IGSF11: variants seen among roughly 807,000 people sequenced by gnomAD.
The protein encoded by IGSF11 is CXADR like 1.
A neutral mutation model predicts 41.0 loss-of-function variants in IGSF11; 22 were observed. That is an observed-to-expected ratio of 0.54 (90% CI 0.38 to 0.77). IGSF11 has a LOEUF of 0.77. Among genes scored for constraint, IGSF11 ranks in the 30% least tolerant of loss-of-function variants. The pLI is 0.00. For synonymous variants in IGSF11, 219 were observed against 201.3 expected (o/e 1.09, Z -0.74); for missense variants, 444 against 530.8 (o/e 0.84, Z 1.61).
At chr3:119,056,246 A>G (rs555974485) in intron 1 of IGSF11, among the ~76,000 whole-genome samples, 8 of 152,304 alleles carry the variant, frequency 5.3e-5, no homozygotes, top group Admixed American at 3.3e-4. Flanking sequence ...CAGAAGAAAG[A>G]GAGAAGAATC....
At position 118,928,672 on chromosome 3, in the gene IGSF11, C is replaced by T; in HGVS notation, c.261G>A (p.Arg87=). The T allele has an allele frequency of 6.2e-7, 1 of 1,614,054 alleles. No individual in the cohort carries two copies. The highest frequency in any genetic ancestry group is 8.5e-7 in the Non-Finnish European group (1 of 1,179,986). The change falls in exon 3 of 7, where the codon CGG becomes CGA. Residue 87 remains arginine, a synonymous_variant. Coordinates refer to ENST00000393775, the MANE Select transcript of IGSF11 (RefSeq NM_001015887.3). ...CTGTAAATCCTACCCTACCGTGGAA[C>T]CGGGGGGCACCATCAAACATCTGTC... The part of the protein sequence containing the change: ...QGGQMFDGAP[R]FHGRVGFTGT...
intron 1 of IGSF11, among the ~76,000 whole-genome samples, chr3:119,092,849 A>G (rs943354655): frequency 6.6e-6 from 1 of 152,138 alleles, no homozygotes; most frequent in Non-Finnish European, 1.5e-5. Context: ...CCATTCTGAT[A>G]CAATTGCCTA....
intron 1 of IGSF11, among the ~76,000 whole-genome samples, chr3:118,943,343 T>C (rs1057479172): frequency 6.6e-6 from 1 of 152,178 alleles, no homozygotes; most frequent in African/African-American, 2.4e-5. Flanking sequence ...AAATGATGAG[T>C]AAAGTTTAAA....
At chr3:118,948,331 T>C (rs929977482) in intron 1 of IGSF11, 7 of 152,218 alleles carry the variant, frequency 4.6e-5, no homozygotes, top group African/African-American at 1.7e-4. Flanking sequence ...GCAGGAAATC[T>C]GCTGGGGCAC....
chr3:119,050,923 A>T (rs1441356158), intron 1 of IGSF11, among the ~76,000 whole-genome samples: 1 of 148,706 alleles, frequency 6.7e-6, no homozygotes, highest in African/African-American at 2.5e-5. Context: ...GCATATTCTC[A>T]CTCATAGGTG....
intron 1 of IGSF11, among the ~76,000 whole-genome samples, chr3:119,130,500 G>C (rs188585324): frequency 6.6e-6 from 1 of 152,222 alleles, no homozygotes; most frequent in South Asian, 2.1e-4. Context: ...CAGCCTGGCG[G>C]GGGGAGGGGC....
intron 1 of IGSF11, among the ~76,000 whole-genome samples, chr3:119,096,427 T>G (rs953874891): frequency 6.6e-6 from 1 of 151,974 alleles, no homozygotes; most frequent in Non-Finnish European, 1.5e-5. Context: ...TGGTTATAAA[T>G]TCTTAAAATG....
At chr3:119,125,016 T>C (rs1003055940) in intron 1 of IGSF11, among the ~76,000 whole-genome samples, 1 of 152,070 alleles carries the variant, frequency 6.6e-6, no homozygotes, top group Non-Finnish European at 1.5e-5. Context: ...AAATTTAAAA[T>C]GCCAAAGGAA....
At chr3:118,939,855 C>T (rs1334644862) in intron 1 of IGSF11, among the ~76,000 whole-genome samples, 1 of 151,930 alleles carries the variant, frequency 6.6e-6, no homozygotes, top group African/African-American at 2.4e-5. Context: ...AGCAAAGTAT[C>T]AAGACAGAGT....
intron 1 of IGSF11, among the ~76,000 whole-genome samples, chr3:118,944,357 G>C (rs1013378922): frequency 6.6e-6 from 1 of 151,900 alleles, no homozygotes; most frequent in African/African-American, 2.4e-5. Flanking sequence ...CTTCCAGCCA[G>C]TCTTACAGTA....
chr3:119,128,317 C>T (rs7619723), intron 1 of IGSF11, among the ~76,000 whole-genome samples: 9,784 of 151,658 alleles, frequency 0.065, 473 homozygotes, highest in African/African-American at 0.13. Flanking sequence ...GAGAGCATGA[C>T]ACTGCACTCC....
intron 1 of IGSF11, among the ~76,000 whole-genome samples, chr3:118,987,210 T>C (rs1935345127): frequency 6.6e-6 from 1 of 152,194 alleles, no homozygotes; most frequent in African/African-American, 2.4e-5. Context: ...GCTCTGCGAA[T>C]GGAATGCAAA....
rs1159867772 is a variant in IGSF11, at chr3:119,133,817, CT to C, written c.-14+11995del. Among the ~76,000 whole-genome samples the C allele has an allele frequency of 6.6e-5, 10 of 152,278 alleles. 1 individual carries two copies. The South Asian group carries it at 1.9e-3, about 28-fold the overall frequency. On this transcript the variant is annotated intron_variant, in intron 1 of 7. Transcript: ENST00000425327. Reference sequence around the variant, plus strand: ...CCCTAATTAACATCGATGCGAAAATCTTCAATAAAATACTGGCAAACCGAAT... The same window carrying C: ...CCCTAATTAACATCGATGCGAAAATCTCAATAAAATACTGGCAAACCGAAT...
At position 118,904,674 on chromosome 3, in the gene IGSF11, T is replaced by TTCC; in HGVS notation, c.825_827dup (p.Glu279dup). 6.2e-7 allele frequency: 1 copy of TTCC among 1,610,616 alleles called. No homozygotes were observed. The highest frequency in any genetic ancestry group is 8.5e-7 in the Non-Finnish European group (1 of 1,178,534). On this transcript the variant is annotated inframe_insertion, in exon 6 of 7. Coordinates refer to ENST00000393775, the MANE Select transcript of IGSF11 (RefSeq NM_001015887.3). ...TTATTTCATTAGGAATTTCTTCTTC[T>TTCC]TCCTCCTCTTTATTTTTGCTTCTCC...
chr3:119,072,914 G>A (rs1235114084), intron 1 of IGSF11, among the ~76,000 whole-genome samples: 3 of 152,164 alleles, frequency 2.0e-5, no homozygotes, highest in Non-Finnish European at 4.4e-5. Context: ...ACAGAGAGCT[G>A]ATTGGTCCGT....
chr3:119,012,342 A>G (rs1398206922), intron 1 of IGSF11, among the ~76,000 whole-genome samples: 2 of 152,182 alleles, frequency 1.3e-5, no homozygotes, highest in Non-Finnish European at 2.9e-5. Flanking sequence ...ACCTTTCGTG[A>G]GCTTCCCAAA....
At chr3:119,090,625 G>C (rs2076747664) in intron 1 of IGSF11, among the ~76,000 whole-genome samples, 1 of 152,120 alleles carries the variant, frequency 6.6e-6, no homozygotes, top group African/African-American at 2.4e-5. Flanking sequence ...ACAAAAACAA[G>C]CAATGGGAAA....
At chr3:118,954,132 A>T (rs150956188) in intron 1 of IGSF11, among the ~76,000 whole-genome samples, 1 of 152,180 alleles carries the variant, frequency 6.6e-6, no homozygotes, top group African/African-American at 2.4e-5. Context: ...CTTGCCAATT[A>T]TCCCAGCACC....
At chr3:118,907,496 T>C (rs1015939336) in intron 4 of IGSF11, among the ~76,000 whole-genome samples, 4 of 152,082 alleles carry the variant, frequency 2.6e-5, no homozygotes, top group African/African-American at 2.4e-5. Flanking sequence ...TAATGAGGGA[T>C]TGAGAAATCA....
Sources: gnomAD v4.1 joint callset for allele counts (sites outside exome capture counted in the v4.1 genomes callset) on GRCh38, gnomAD v4.1.1 for gene constraint, MANE v1.5 for transcripts, NCBI Gene and HGNC (gene_info 2026-07-23, HGNC 2026-07-21) for gene names.